Variants in ASAP1 observed in about 807,000 individuals in gnomAD.
ASAP1 encodes ArfGAP with SH3 domain, ankyrin repeat and PH domain 1, also known as arf-GAP with SH3 domain, ANK repeat and PH domain-containing protein 1.
ASAP1 carries 43 observed loss-of-function variants against 145.2 expected under a neutral mutation model. The ratio of observed to expected loss-of-function variants is 0.30; its 90% CI spans 0.23 to 0.38. The LOEUF (loss-of-function observed/expected upper bound fraction) is 0.38. Ranked by LOEUF, ASAP1 falls within the 10% of genes least tolerant of loss-of-function variation. The probability of loss-of-function intolerance (pLI) is 1.00; values close to 1 mark genes in which losing one functional copy is unlikely to be tolerated. For missense variants in ASAP1, 1,018 were observed against 1,355.3 expected (o/e 0.75, Z 3.91); for synonymous variants, 546 against 515.5 (o/e 1.06, Z -0.80).
At chr8:130,248,240 A>C (rs974297151) in intron 3 of ASAP1, among the ~76,000 whole-genome samples, 2 of 150,724 alleles carry the variant, frequency 1.3e-5, no homozygotes, top group Admixed American at 6.6e-5. Flanking sequence ...TGGAGGGGGG[A>C]GTGCGGAATG....
At chr8:130,118,412 T>C (rs1260946534) in intron 19 of ASAP1, 77 bp downstream of exon 19, 4 of 1,461,410 alleles carry the variant, frequency 2.7e-6, no homozygotes, top group South Asian at 1.3e-5. Context: ...CATTATATGG[T>C]ATAATGTTAA....
chr8:130,197,344 G>A (rs1187223312), intron 5 of ASAP1, among the ~76,000 whole-genome samples: 1 of 152,246 alleles, frequency 6.6e-6, no homozygotes, highest in Non-Finnish European at 1.5e-5. Context: ...TGGGAGGATT[G>A]CCTGAGCCCA....
intron 6 of ASAP1, among the ~76,000 whole-genome samples, chr8:130,187,686 T>C (rs1036423349): frequency 2.0e-5 from 3 of 152,172 alleles, no homozygotes; most frequent in African/African-American, 7.2e-5. Context: ...TCTCCCAAAG[T>C]GCTCAGATTA....
chr8:130,288,677 C>T (rs1821765782), intron 3 of ASAP1, among the ~76,000 whole-genome samples: 1 of 152,118 alleles, frequency 6.6e-6, no homozygotes, highest in African/African-American at 2.4e-5. Flanking sequence ...GGCAAGGGCA[C>T]TATGGGAAGA....
intron 4 of ASAP1, among the ~76,000 whole-genome samples, chr8:130,217,502 A>T (rs1246456999): frequency 6.8e-6 from 1 of 146,024 alleles, no homozygotes; most frequent in African/African-American, 2.5e-5. Flanking sequence ...TGTATATTAT[A>T]TGTGTATATA....
intron 4 of ASAP1, among the ~76,000 whole-genome samples, chr8:130,232,216 G>C (rs1488090701): frequency 1.3e-5 from 2 of 152,090 alleles, no homozygotes; most frequent in Non-Finnish European, 2.9e-5. Flanking sequence ...TAGTAACTCT[G>C]GTGTACATTC....
In ASAP1 at chr8:130,053,116, C is replaced by A. The variant is rs1211024642; in HGVS notation, c.*1615G>T. 1 of 152,204 alleles carries A rather than the reference C, an allele frequency of 6.6e-6. No homozygotes were observed. The highest frequency in any genetic ancestry group is 1.9e-4 in the East Asian group (1 of 5,204). 9.4% of individuals were successfully genotyped at this position (152,204 alleles called of 1,614,324 possible). ...AAAGTTTGTATAGCAACCACTTAAG[C>A]AGAACTAAATTAATATTCACTGAGC... On this transcript the variant is annotated 3_prime_UTR_variant, in exon 30 of 30. Coordinates refer to ENST00000518721, the MANE Select transcript of ASAP1 (RefSeq NM_018482.4).
At chr8:130,054,914 AT>A in intron 29 of ASAP1, 109 bp from the exon 30 acceptor site, 1 of 834,514 alleles carries the variant, frequency 1.2e-6, no homozygotes, top group Non-Finnish European at 2.1e-6. Context: ...TGGCGGTGGA[AT>A]CCCAGGCTTA....
chr8:130,136,893 GAAATGTGCAGGTGTCAGAAGCCACAAT>G, intron 14 of ASAP1, 31 bp downstream of exon 14: 1 of 1,414,192 alleles, frequency 7.1e-7, no homozygotes, highest in Non-Finnish European at 1.0e-6. Context: ...CTGGAGAATG[GAAATGTGCAGGTGTCAGAAGCCACAAT>G]AACCAACTCA....
intron 18 of ASAP1, among the ~76,000 whole-genome samples, chr8:130,121,641 G>A (rs760297642): frequency 1.1e-4 from 17 of 151,982 alleles, no homozygotes; most frequent in South Asian, 6.2e-4. Context: ...AAAACTAGTC[G>A]GGCATAGTGG....
chr8:130,423,369 T>C (rs538799382), intron 1 of ASAP1, among the ~76,000 whole-genome samples: 26 of 152,358 alleles, frequency 1.7e-4, no homozygotes, highest in African/African-American at 6.0e-4. Flanking sequence ...ACTTGCAAAA[T>C]TGCTCATAGA....
chr8:130,326,846 T>C (rs750090781), intron 3 of ASAP1, among the ~76,000 whole-genome samples: 13 of 152,186 alleles, frequency 8.5e-5, no homozygotes, highest in Non-Finnish European at 1.8e-4. Flanking sequence ...TTATAGAATA[T>C]ATTCAGAGAC....
In ASAP1 at chr8:130,341,990, TTCAGCATAAGTTGCTGTAATGCC is replaced by T. The variant is rs1586866133; in HGVS notation, c.186+16004_186+16026del. On this transcript the variant is annotated intron_variant, in intron 3 of 29. Transcript: ENST00000518721. ...TCCATGCCCAACACCTAAAACTAAC[TTCAGCATAAGTTGCTGTAATGCC>T]TCATCAGGCATTTATACCTTTGAGT... 2.6e-5 allele frequency among the ~76,000 whole-genome samples: 4 copies of T among 152,306 alleles called. No homozygotes were observed. In the East Asian group the frequency reaches 7.7e-4, roughly 29 times the overall value.
chr8:130,379,940 C>G (rs192191888), intron 2 of ASAP1, among the ~76,000 whole-genome samples: 1 of 152,320 alleles, frequency 6.6e-6, no homozygotes, highest in East Asian at 1.9e-4. Flanking sequence ...TCCTCAGGCT[C>G]AAGGTCTAGA....
At chr8:130,130,883 A>T (rs1564995280) in intron 15 of ASAP1, among the ~76,000 whole-genome samples, 2 of 152,104 alleles carry the variant, frequency 1.3e-5, no homozygotes, top group East Asian at 3.9e-4. Context: ...TAAAAAAAAA[A>T]GCCACGCTCA....
chr8:130,399,866 GAGT>G (rs67550425), intron 2 of ASAP1, among the ~76,000 whole-genome samples: 59,295 of 147,308 alleles, frequency 0.4, 13,282 homozygotes, highest in African/African-American at 0.59. Flanking sequence ...GCCCAGGCTG[GAGT>G]AGTACAATGG....
At position 130,118,766 on chromosome 8, in the gene ASAP1, TTTAA is replaced by T. The variant is rs2097560598; in HGVS notation, c.1608-95_1608-92del. ...CAAACATTTCTCTTTGAGAAGTTAT[TTTAA>T]TTAAGATACGCTTCTTTTCACCATT... On this transcript the variant is annotated intron_variant, in intron 18 of 29. Transcript: ENST00000518721. 4.1e-6 allele frequency: 4 copies of T among 970,828 alleles called. No homozygotes were observed. The Admixed American group carries it at 1.4e-4, about 33-fold the overall frequency. 60.1% of individuals were successfully genotyped at this position (970,828 alleles called of 1,614,324 possible).
intron 20 of ASAP1, among the ~76,000 whole-genome samples, chr8:130,117,443 C>G (rs950885333): frequency 2.0e-5 from 3 of 152,298 alleles, no homozygotes; most frequent in African/African-American, 7.2e-5. Flanking sequence ...GAGGAAGAAA[C>G]CTGGACTTTT....
intron 2 of ASAP1, among the ~76,000 whole-genome samples, chr8:130,378,547 G>A (rs956167189): frequency 2.6e-5 from 4 of 152,226 alleles, no homozygotes; most frequent in Non-Finnish European, 4.4e-5. Flanking sequence ...CAAATAACAC[G>A]TGCAGGGAGG....
Sources: allele counts gnomAD v4.1 joint callset (sites outside exome capture counted in the v4.1 genomes callset), GRCh38; gene constraint gnomAD v4.1.1; transcripts MANE v1.5; gene names NCBI Gene and HGNC (gene_info 2026-07-23, HGNC 2026-07-21).